Variants in ALDH6A1 observed in about 807,000 individuals in gnomAD.
The protein encoded by ALDH6A1 is methylmalonate-semialdehyde/malonate-semialdehyde dehydrogenase [acylating], mitochondrial.
A neutral mutation model predicts 62.6 loss-of-function variants in ALDH6A1; 43 were observed. The ratio of observed to expected loss-of-function variants is 0.69; its 90% CI spans 0.54 to 0.89. ALDH6A1 has a LOEUF of 0.89. Ranked by LOEUF, ALDH6A1 falls within the 40% of genes least tolerant of loss-of-function variation. The pLI is 0.00. For synonymous variants in ALDH6A1, 194 were observed against 234.2 expected, an observed-to-expected ratio of 0.83 and a Z score of 1.57; for missense variants, 551 against 661.3, an observed-to-expected ratio of 0.83 and a Z score of 1.83.
At chr14:74,069,849 C>A (rs1358506610) in intron 6 of ALDH6A1, among the ~76,000 whole-genome samples, 8 of 135,726 alleles carry the variant, frequency 5.9e-5, no homozygotes, top group African/African-American at 8.9e-5. Context: ...TCTAATCTAA[C>A]CTTTTTTTTT....
At chr14:74,079,497 G>C (rs1174541032) in intron 1 of ALDH6A1, among the ~76,000 whole-genome samples, 1 of 149,980 alleles carries the variant, frequency 6.7e-6, no homozygotes, top group Non-Finnish European at 1.5e-5. Flanking sequence ...GCAGTTGCGC[G>C]ATCTTGGCTC....
At chr14:74,072,869 G>A (rs951511908) in intron 2 of ALDH6A1, among the ~76,000 whole-genome samples, 3 of 151,160 alleles carry the variant, frequency 2.0e-5, no homozygotes, top group Non-Finnish European at 3.0e-5. Context: ...GTATGATCTC[G>A]GCTCACTGCA....
chr14:74,065,396 T>G, intron 9 of ALDH6A1, 36 bp from the exon 10 acceptor site: 3 of 1,602,392 alleles, frequency 1.9e-6, no homozygotes, highest in Non-Finnish European at 1.7e-6. Context: ...AGAAGTCAGC[T>G]TTTTGGATTC....
intron 7 of ALDH6A1, 90 bp downstream of exon 7, chr14:74,068,767 GAGT>G (rs2060507950): frequency 7.1e-7 from 1 of 1,407,028 alleles, no homozygotes; most frequent in Non-Finnish European, 1.0e-6. Context: ...ACTGACATTG[GAGT>G]GGGATGAGTG....
chr14:74,073,052 G>C (rs35312317), intron 2 of ALDH6A1, among the ~76,000 whole-genome samples: 16,948 of 152,116 alleles, frequency 0.11, 1,241 homozygotes, highest in Admixed American at 0.19. Flanking sequence ...CACCCACCTC[G>C]GCCTCCCAAA....
intron 4 of ALDH6A1, 99 bp downstream of exon 4, chr14:74,072,104 T>C: frequency 6.4e-7 from 1 of 1,560,638 alleles, no homozygotes; most frequent in East Asian, 2.2e-5. Flanking sequence ...CGTCTCTGCA[T>C]ACTGCAGAGT....
chr14:74,064,869 C>G lies in ALDH6A1; in HGVS notation c.1456G>C (p.Gly486Arg). The G allele has an allele frequency of 6.2e-7, 1 of 1,614,002 alleles. No homozygotes were observed. Among genetic ancestry groups the G allele is most frequent in the Non-Finnish European group, 8.5e-7 (1 of 1,180,016 alleles). ...TCTCCCCTGAAGGAGGATCGAGAGC[C>G]GGTGAATGAGAACATTGGCAAAGGC... ...PVPLPMFSFTGSRSSFRGDTN... is the reference protein window; with the variant it reads ...PVPLPMFSFTRSRSSFRGDTN... The change falls in exon 11 of 12, where the codon GGC becomes CGC. Residue 486 changes from glycine (G) to arginine (R), a missense_variant. Gly to Arg is a moderately radical substitution (Grantham distance 125, BLOSUM62 -2). Coordinates refer to ENST00000553458, the MANE Select transcript of ALDH6A1 (RefSeq NM_005589.4).
At chr14:74,064,754 C>T in intron 11 of ALDH6A1, 68 bp downstream of exon 11, 1 of 1,611,850 alleles carries the variant, frequency 6.2e-7, no homozygotes, top group South Asian at 1.1e-5. Flanking sequence ...CTTGCAGAAT[C>T]CTTGCTCCTG....
rs992509975 is a variant in ALDH6A1 at position 74,064,710 on chromosome 14, T to A, written c.1503+112A>T. 4.3e-6 allele frequency: 7 copies of A among 1,613,952 alleles called. No individual in the cohort carries two copies. In the Admixed American group the frequency reaches 8.3e-5, roughly 19 times the overall value. On this transcript the variant is annotated intron_variant, in intron 11 of 11. Transcript: ENST00000553458. ...TAGGGAACCTTCTGAGAAGCACTGA[T>A]TATGACCTCACAGATGCTGCTGGCA...
chr14:74,067,297 C>A, intron 8 of ALDH6A1, 83 bp downstream of exon 8: 1 of 1,482,284 alleles, frequency 6.7e-7, no homozygotes. Flanking sequence ...TGATTGTTCC[C>A]ACTGGCCAAG....
chr14:74,067,212 A>T (rs1387653131), intron 8 of ALDH6A1, among the ~76,000 whole-genome samples, 168 bp downstream of exon 8: 1 of 151,398 alleles, frequency 6.6e-6, no homozygotes, highest in African/African-American at 2.4e-5. Context: ...CCTGTGCTTT[A>T]AAAAAAAAGA....
intron 7 of ALDH6A1, among the ~76,000 whole-genome samples, 169 bp downstream of exon 7, chr14:74,068,691 C>T (rs112798187): frequency 0.023 from 3,495 of 151,836 alleles, 141 homozygotes; most frequent in African/African-American, 0.081. Context: ...TGCAGTGAGC[C>T]GAGATCATGC....
Position 74,060,658 on chromosome 14 carries a change from G to C in ALDH6A1, c.1592C>G (p.Pro531Arg). The C allele has an allele frequency of 6.2e-7, 1 of 1,611,736 alleles. No individual in the cohort carries two copies. The highest frequency in any genetic ancestry group is 8.5e-7 in the Non-Finnish European group (1 of 1,177,846). Residue 531 changes from proline to arginine, a missense_variant, in exon 12 of 12, where the codon CCT becomes CGT. Transcript: ENST00000553458. Reference sequence around the variant, plus strand: ...AACTTGTTTCTAACGGCCCATGGTAGGCATGACAACAGCAGGTGAGGAAAG... The same window carrying C: ...AACTTGTTTCTAACGGCCCATGGTACGCATGACAACAGCAGGTGAGGAAAG... The part of the protein sequence containing the change: ...ATLSSPAVVM[P>R]TMGR
intron 1 of ALDH6A1, chr14:74,081,019 C>T (rs967272684): frequency 6.6e-6 from 1 of 152,248 alleles, no homozygotes; most frequent in Non-Finnish European, 1.5e-5. Flanking sequence ...CTCTCTCTTG[C>T]CTGGCACTGT....
chr14:74,060,085 TTC>T lies in ALDH6A1; in HGVS notation c.*555_*556del, dbSNP rs771635079. 1.6e-3 allele frequency: 252 copies of T among 159,124 alleles called. 2 individuals are homozygous for T. Among genetic ancestry groups the T allele is most frequent in the Non-Finnish European group, 1.1e-3 (80 of 71,770 alleles). The allele number at this position is 159,124 out of a possible 1,614,324, so 9.9% of individuals were successfully genotyped here. On this transcript the variant is annotated 3_prime_UTR_variant, in exon 12 of 12. Coordinates refer to ENST00000553458, the MANE Select transcript of ALDH6A1 (RefSeq NM_005589.4). ...GGATCAACCAAAAGCGGTGAGTTATTTCTGTCCTGTTTCCCCATCTAAGAGTT... is the reference window on the plus strand; with the variant it reads ...GGATCAACCAAAAGCGGTGAGTTATTTGTCCTGTTTCCCCATCTAAGAGTT...
Position 74,067,585 on chromosome 14 carries a change from G to C in ALDH6A1, c.853-16C>G, listed in dbSNP as rs749592826. The C allele has an allele frequency of 6.2e-7, 1 of 1,613,398 alleles. No individual in the cohort carries two copies. Among genetic ancestry groups the C allele is most frequent in the Admixed American group, 1.7e-5 (1 of 60,002 alleles). ...TCTTGGCTCCCTAAAAAAAAATGCA[G>C]AAAGCACATGAGTCTTCCTTGGCCA... On this transcript the variant is annotated splice_polypyrimidine_tract_variant and intron_variant, in intron 7 of 11. Coordinates refer to ENST00000553458, the MANE Select transcript of ALDH6A1 (RefSeq NM_005589.4).
In ALDH6A1 at chr14:74,057,017, C is replaced by G. The variant is rs1337718827; in HGVS notation, c.*3625G>C. On this transcript the variant is annotated 3_prime_UTR_variant, in exon 12 of 12. Coordinates refer to ENST00000553458, the MANE Select transcript of ALDH6A1 (RefSeq NM_005589.4). ...CTTGCTTAAGTAATAAACATGAGCCCAACACGATGGTTCTTGTGGGCATCT... is the reference window on the plus strand; with the variant it reads ...CTTGCTTAAGTAATAAACATGAGCCGAACACGATGGTTCTTGTGGGCATCT... The G allele has an allele frequency of 1.3e-6, 2 of 1,589,912 alleles. No homozygotes were observed. Among genetic ancestry groups the G allele is most frequent in the African/African-American group, 2.7e-5 (2 of 74,244 alleles).
intron 4 of ALDH6A1, 70 bp from the exon 5 acceptor site, chr14:74,072,044 G>T: frequency 6.3e-7 from 1 of 1,578,266 alleles, no homozygotes; most frequent in Non-Finnish European, 8.7e-7. Flanking sequence ...GGTAGCAAAG[G>T]AAGAATAAGA....
chr14:74,070,537 A>G (rs1450238005), intron 6 of ALDH6A1, among the ~76,000 whole-genome samples: 1 of 152,064 alleles, frequency 6.6e-6, no homozygotes, highest in African/African-American at 2.4e-5. Context: ...GAATAACAAT[A>G]TTTCCTCAAT....
Sources: gnomAD v4.1 joint callset for allele counts (sites outside exome capture counted in the v4.1 genomes callset) on GRCh38, gnomAD v4.1.1 for gene constraint, MANE v1.5 for transcripts, NCBI Gene and HGNC (gene_info 2026-07-23, HGNC 2026-07-21) for gene names.